Variants in MCM5 observed in about 807,000 individuals in gnomAD.
MCM5 encodes minichromosome maintenance complex component 5.
In MCM5, 46 loss-of-function variants were observed where a neutral mutation model predicts 79.9. That is an observed-to-expected ratio of 0.58 (90% CI 0.45 to 0.74). MCM5 has a LOEUF of 0.74. MCM5 is among the 30% of genes least tolerant of loss of function. The pLI is 0.00. For missense variants in MCM5, 883 were observed against 1,017.0 expected (o/e 0.87, Z 1.79); for synonymous variants, 404 against 390.5 (o/e 1.03, Z -0.41).
At chr22:35,435,570 C>T in the MCM5 span, among the ~76,000 whole-genome samples, 1 of 152,206 alleles carries the variant, frequency 6.6e-6, no homozygotes, top group Non-Finnish European at 1.5e-5. Flanking sequence ...TGAACTTGGT[C>T]TACACAGCAG....
At chr22:35,450,790 G>T in the MCM5 span, among the ~76,000 whole-genome samples, 1 of 150,226 alleles carries the variant, frequency 6.7e-6, no homozygotes, top group Non-Finnish European at 1.5e-5. Context: ...AATGAGGAAA[G>T]AGTTGGGAAT....
chr22:35,406,303 C>CCCA (rs1455403440), intron 4 of MCM5, among the ~76,000 whole-genome samples: 2 of 143,132 alleles, frequency 1.4e-5, no homozygotes, highest in Admixed American at 6.9e-5. Flanking sequence ...GCCACCTCCC[C>CCCA]CCCCAATTGT....
At chr22:35,447,467 GTATT>G in the MCM5 span, among the ~76,000 whole-genome samples, 1 of 151,206 alleles carries the variant, frequency 6.6e-6, no homozygotes, top group Non-Finnish European at 1.5e-5. Flanking sequence ...ATGTATTTAT[GTATT>G]TATTTATTTA....
intron 2 of MCM5, among the ~76,000 whole-genome samples, chr22:35,400,883 G>C (rs1932026119): frequency 6.6e-6 from 1 of 152,148 alleles, no homozygotes; most frequent in African/African-American, 2.4e-5. Context: ...GCAGTGGCAC[G>C]ATCTCGGCTC....
At chr22:35,405,713 A>G (rs779293407) in intron 4 of MCM5, among the ~76,000 whole-genome samples, 11 of 152,294 alleles carry the variant, frequency 7.2e-5, no homozygotes, top group Non-Finnish European at 1.3e-4. Flanking sequence ...CATCACACTT[A>G]AAAATTAACA....
At chr22:35,417,957 C>A in intron 13 of MCM5, 101 bp downstream of exon 13, 1 of 771,968 alleles carries the variant, frequency 1.3e-6, no homozygotes, top group Non-Finnish European at 2.3e-6. Flanking sequence ...GAAGAACAGC[C>A]CAGATGTTGC....
chr22:35,400,405 G>A (rs200821326), intron 1 of MCM5, 26 bp from the exon 2 acceptor site: 3 of 1,613,774 alleles, frequency 1.9e-6, no homozygotes, highest in East Asian at 2.2e-5. Context: ...CCCCCAGCCT[G>A]TTCTGGCCGT....
rs544655922 is a variant in MCM5 at position 35,424,829 on chromosome 22, C to T, written c.*574C>T. ...AGCCGTGGTGCGGCGGTCAGACTGC[C>T]TGGATTCATGGACCCTCTCCATGCC... On this transcript the variant is annotated 3_prime_UTR_variant, in exon 17 of 17. Coordinates refer to ENST00000216122, the MANE Select transcript of MCM5 (RefSeq NM_006739.4). The T allele has an allele frequency of 7.9e-5, 12 of 152,396 alleles. No homozygotes were observed. The highest frequency in any genetic ancestry group is 2.9e-4 in the African/African-American group (12 of 41,584). 9.4% of individuals were successfully genotyped at this position (152,396 alleles called of 1,614,324 possible).
rs1158709678 is a variant in MCM5, at chr22:35,423,359, T to TG, written c.2103+23dup. The TG allele has an allele frequency of 6.3e-7, 1 of 1,579,552 alleles. No homozygotes were observed. Among genetic ancestry groups the TG allele is most frequent in the South Asian group, 1.1e-5 (1 of 87,890 alleles). ...CCAAGCAGGTGAGCCTGCCTTGGAGTGGGGGTGTGAGCCGGCACGGGGTGC... is the reference window on the plus strand; with the variant it reads ...CCAAGCAGGTGAGCCTGCCTTGGAGTGGGGGGTGTGAGCCGGCACGGGGTGC... On this transcript the variant is annotated intron_variant, in intron 16 of 16. Transcript: ENST00000216122.
chr22:35,448,868 C>T, the MCM5 span, among the ~76,000 whole-genome samples: 6 of 152,302 alleles, frequency 3.9e-5, no homozygotes, highest in South Asian at 8.3e-4. Flanking sequence ...GACCACTGGG[C>T]CACCTGGGAC....
rs1285121708 is a variant in MCM5 at position 35,424,500 on chromosome 22, G to T, written c.*245G>T. On this transcript the variant is annotated 3_prime_UTR_variant, in exon 17 of 17. Transcript: ENST00000216122. ...AATAATAAAGCCACGGTGTGTTCAG[G>T]TATCTGTGGGTTTGTGCACTCGGTG... is the stretch of plus-strand genomic sequence containing the variant. The T allele has an allele frequency of 1.5e-5, 6 of 412,288 alleles. 1 individual carries two copies. Among genetic ancestry groups the T allele is most frequent in the East Asian group, 1.2e-4 (3 of 24,076 alleles). The allele number at this position is 412,288 out of a possible 1,614,324, so 25.5% of individuals were successfully genotyped here.
In MCM5 at chr22:35,424,256, G is replaced by A. The variant is rs907996142; in HGVS notation, c.*1G>A. The A allele has an allele frequency of 1.9e-6, 3 of 1,541,042 alleles. No individual in the cohort carries two copies. Among genetic ancestry groups the A allele is most frequent in the Non-Finnish European group, 2.6e-6 (3 of 1,140,932 alleles). On this transcript the variant is annotated 3_prime_UTR_variant, in exon 17 of 17. Transcript: ENST00000216122. Reference sequence around the variant, plus strand: ...CAAGGTTCTCTACCGCCTCAAGTGAGTCGCGCCGCCTCACTGGACTCATGG... The same window carrying A: ...CAAGGTTCTCTACCGCCTCAAGTGAATCGCGCCGCCTCACTGGACTCATGG...
chr22:35,400,674 A>G, intron 2 of MCM5, 69 bp downstream of exon 2: 3 of 1,478,732 alleles, frequency 2.0e-6, no homozygotes, highest in Non-Finnish European at 1.8e-6. Flanking sequence ...CCAGCCTGCT[A>G]GAGTCCTGGA....
intron 15 of MCM5, 136 bp downstream of exon 15, chr22:35,421,596 C>CT: frequency 8.0e-7 from 1 of 1,257,066 alleles, no homozygotes; most frequent in South Asian, 1.2e-5. Flanking sequence ...CTCTGAGTTT[C>CT]TTTTTGCCAT....
At chr22:35,428,497 C>T (rs899102352), downstream of MCM5, among the ~76,000 whole-genome samples, 2 of 151,970 alleles carry the variant, frequency 1.3e-5, no homozygotes, top group African/African-American at 4.8e-5. Flanking sequence ...GCACTCAGAA[C>T]ACCACCAGGC....
At chr22:35,427,806 T>G (rs1932787831), downstream of MCM5, among the ~76,000 whole-genome samples, 1 of 151,996 alleles carries the variant, frequency 6.6e-6, no homozygotes. Flanking sequence ...TTAAAATGGT[T>G]TTAATTTGTT....
chr22:35,401,761 G>T, intron 2 of MCM5: 1 of 466,576 alleles, frequency 2.1e-6, no homozygotes, highest in Non-Finnish European at 4.4e-6. Flanking sequence ...AGAGGAGTGA[G>T]TCGTGAAGAC....
At chr22:35,427,710 C>T (rs529133341), downstream of MCM5, among the ~76,000 whole-genome samples, 2 of 151,904 alleles carry the variant, frequency 1.3e-5, no homozygotes, top group Non-Finnish European at 2.9e-5. Flanking sequence ...CCCCACCCCC[C>T]ACAAATGTTT....
chr22:35,453,952 AGTCTCCACCTG>A, the MCM5 span, among the ~76,000 whole-genome samples: 2 of 151,584 alleles, frequency 1.3e-5, no homozygotes, highest in Non-Finnish European at 2.9e-5. Flanking sequence ...TCGGGGGACA[AGTCTCCACCTG>A]GCTGCCACCA....
Sources: allele counts gnomAD v4.1 joint callset (sites outside exome capture counted in the v4.1 genomes callset), GRCh38; gene constraint gnomAD v4.1.1; transcripts MANE v1.5; gene names NCBI Gene and HGNC (gene_info 2026-07-23, HGNC 2026-07-21).